SPIDR: variants seen among roughly 807,000 people sequenced by gnomAD.
SPIDR encodes the protein scaffold protein involved in DNA repair.
SPIDR carries 93 observed loss-of-function variants against 104.6 expected under a neutral mutation model. The ratio of observed to expected loss-of-function variants is 0.89; its 90% CI spans 0.75 to 1.06. The LOEUF (loss-of-function observed/expected upper bound fraction) is 1.06, where lower values mean the gene tolerates loss of function less well. Among genes scored for constraint, SPIDR ranks in the 50% least tolerant of loss-of-function variants. The pLI is 0.00. For synonymous variants in SPIDR, 431 were observed against 416.9 expected (o/e 1.03, Z -0.41); for missense variants, 1,154 against 1,111.2 (o/e 1.04, Z -0.55).
Position 47,260,974 on chromosome 8 carries a change from C to G in SPIDR, c.16C>G (p.Arg6Gly). The change falls in exon 1 of 20, where the codon CGC becomes GGC. Residue 6 changes from arginine to glycine, a missense_variant. Physicochemically the swap from Arg to Gly is moderately radical, Grantham distance 125 (BLOSUM62 -2). Coordinates refer to ENST00000297423, the MANE Select transcript of SPIDR (RefSeq NM_001080394.4). MPRGS[R>G]ARGSKRKRSW... The stretch of plus-strand genomic sequence containing the variant: ...GCTCCCGGAGATGCCCCGCGGCAGC[C>G]GCGCTCGGGGCTCTAAGGTAGGCTC... The G allele has an allele frequency of 1.6e-6, 2 of 1,230,436 alleles. No homozygotes were observed. The highest frequency in any genetic ancestry group is 3.9e-5 in the South Asian group (1 of 25,506). The allele number at this position is 1,230,436 out of a possible 1,614,324, so 76.2% of individuals were successfully genotyped here. A position where few individuals can be genotyped will look rare whatever the true frequency, so the allele number is the denominator to read the frequency against.
intron 19 of SPIDR, among the ~76,000 whole-genome samples, chr8:47,732,388 A>G (rs1406167076): frequency 1.3e-5 from 2 of 152,238 alleles, no homozygotes; most frequent in Non-Finnish European, 2.9e-5. Context: ...CTGTGTATGC[A>G]CATATGCTGG....
At chr8:47,285,689 A>G (rs993465397) in intron 3 of SPIDR, among the ~76,000 whole-genome samples, 1 of 152,082 alleles carries the variant, frequency 6.6e-6, no homozygotes, top group Non-Finnish European at 1.5e-5. Context: ...ATTTCACCTT[A>G]TAAGGATTTC....
chr8:47,488,084 A>T (rs1158382551), intron 8 of SPIDR, among the ~76,000 whole-genome samples: 1 of 152,200 alleles, frequency 6.6e-6, no homozygotes, highest in African/African-American at 2.4e-5. Context: ...TTTTGAAAGG[A>T]TCAACAAATT....
intron 5 of SPIDR, among the ~76,000 whole-genome samples, chr8:47,343,484 A>G (rs2051186332): frequency 1.3e-5 from 2 of 152,300 alleles, no homozygotes; most frequent in African/African-American, 4.8e-5. Flanking sequence ...AACTTACGGG[A>G]AGCTGCTTTA....
intron 8 of SPIDR, among the ~76,000 whole-genome samples, chr8:47,553,375 G>A (rs1428132046): frequency 6.6e-6 from 1 of 152,132 alleles, no homozygotes; most frequent in Non-Finnish European, 1.5e-5. Flanking sequence ...TCACTTTCAG[G>A]TACACCAATC....
intron 5 of SPIDR, among the ~76,000 whole-genome samples, chr8:47,385,910 A>G (rs1297036924): frequency 1.3e-5 from 2 of 152,100 alleles, no homozygotes; most frequent in African/African-American, 4.8e-5. Flanking sequence ...CATTTCTTCT[A>G]TGGACTTTGT....
At chr8:47,468,027 A>G (rs546111274) in intron 8 of SPIDR, among the ~76,000 whole-genome samples, 1 of 152,326 alleles carries the variant, frequency 6.6e-6, no homozygotes, top group Non-Finnish European at 1.5e-5. Flanking sequence ...ATGCAAAATC[A>G]GTGCGCAAAA....
At chr8:47,634,781 G>A (rs576024777) in intron 10 of SPIDR, among the ~76,000 whole-genome samples, 2 of 152,294 alleles carry the variant, frequency 1.3e-5, no homozygotes, top group South Asian at 2.1e-4. Context: ...ATCCTCTCAC[G>A]CCTGGGCCAG....
chr8:47,484,782 T>C (rs1586496169), intron 8 of SPIDR, among the ~76,000 whole-genome samples: 1 of 152,334 alleles, frequency 6.6e-6, no homozygotes, highest in East Asian at 1.9e-4. Context: ...ATTGTATCAA[T>C]GTCACATTTC....
intron 1 of SPIDR, among the ~76,000 whole-genome samples, chr8:47,274,420 T>C (rs2035948915): frequency 6.6e-6 from 1 of 152,198 alleles, no homozygotes; most frequent in African/African-American, 2.4e-5. Flanking sequence ...TCTTTCCTTC[T>C]CGTTGAGATA....
Position 47,659,702 on chromosome 8 carries a change from C to T in SPIDR, c.1545-14099C>T, listed in dbSNP as rs549361918. ...TCCCTTGCGCTCAGGTTCCAGCCCT[C>T]TTCTGTCCCCATGCTCCCTTTTTTT... On this transcript the variant is annotated intron_variant, in intron 10 of 19. Coordinates refer to ENST00000297423, the MANE Select transcript of SPIDR (RefSeq NM_001080394.4). 5 of 985,314 alleles carry T rather than the reference C, an allele frequency of 5.1e-6. No individual in the cohort carries two copies. The Admixed American group carries it at 1.8e-4, about 36-fold the overall frequency. 61.0% of individuals were successfully genotyped at this position (985,314 alleles called of 1,614,324 possible).
chr8:47,324,219 C>T (rs1308157560), intron 5 of SPIDR, among the ~76,000 whole-genome samples: 6 of 152,094 alleles, frequency 3.9e-5, no homozygotes. Flanking sequence ...TCTGAAATCA[C>T]ACAACTAGAA....
intron 5 of SPIDR, among the ~76,000 whole-genome samples, chr8:47,371,012 C>T (rs1377178339): frequency 2.6e-5 from 4 of 151,502 alleles, no homozygotes; most frequent in African/African-American, 4.9e-5. Flanking sequence ...CTCCACTGTG[C>T]TGGTCACCAA....
intron 5 of SPIDR, among the ~76,000 whole-genome samples, chr8:47,391,498 G>A (rs1219925703): frequency 2.6e-5 from 4 of 152,008 alleles, no homozygotes; most frequent in Non-Finnish European, 5.9e-5. Flanking sequence ...CTGTGTTCAC[G>A]CCACCACACT....
chr8:47,560,112 G>A (rs879327805), intron 8 of SPIDR, among the ~76,000 whole-genome samples: 1 of 152,164 alleles, frequency 6.6e-6, no homozygotes, highest in Non-Finnish European at 1.5e-5. Flanking sequence ...GAACTAAAGA[G>A]CATTTCATCA....
At chr8:47,729,343 T>C in intron 18 of SPIDR, 69 bp from the exon 19 acceptor site, 1 of 1,538,236 alleles carries the variant, frequency 6.5e-7, no homozygotes, top group Non-Finnish European at 8.8e-7. Context: ...TTTTCGGGAA[T>C]GAGTGATTTA....
intron 5 of SPIDR, among the ~76,000 whole-genome samples, chr8:47,347,456 A>G (rs957966991): frequency 1.3e-5 from 2 of 152,180 alleles, no homozygotes; most frequent in Admixed American, 6.5e-5. Flanking sequence ...GTAGATGTCT[A>G]TTAGGTCCAC....
At chr8:47,406,581 A>G (rs2062786330) in intron 6 of SPIDR, among the ~76,000 whole-genome samples, 1 of 152,212 alleles carries the variant, frequency 6.6e-6, no homozygotes, top group Non-Finnish European at 1.5e-5. Context: ...ATAGTAACCT[A>G]TAGGAAAACA....
intron 5 of SPIDR, among the ~76,000 whole-genome samples, chr8:47,354,860 C>G (rs1383820507): frequency 6.6e-6 from 1 of 151,986 alleles, no homozygotes; most frequent in East Asian, 1.9e-4. Flanking sequence ...CCAGGCTGCT[C>G]TCAAACTCCT....
Sources: allele counts gnomAD v4.1 joint callset (sites outside exome capture counted in the v4.1 genomes callset), GRCh38; gene constraint gnomAD v4.1.1; transcripts MANE v1.5; gene names NCBI Gene and HGNC (gene_info 2026-07-23, HGNC 2026-07-21).